SORCS3: variants seen among roughly 807,000 people sequenced by gnomAD.
SORCS3 encodes the protein sortilin related VPS10 domain containing receptor 3, also known as VPS10 domain-containing receptor SorCS3.
In SORCS3, 57 loss-of-function variants were observed where a neutral mutation model predicts 146.3. That is an observed-to-expected ratio of 0.39 (90% CI 0.31 to 0.49). The LOEUF is 0.49. SORCS3 is among the 20% of genes least tolerant of loss of function. SORCS3 has a pLI of 0.92. For missense variants in SORCS3, 1,341 were observed against 1,575.5 expected (o/e 0.85, Z 2.52); for synonymous variants, 653 against 618.5 (o/e 1.06, Z -0.83).
intron 1 of SORCS3, among the ~76,000 whole-genome samples, chr10:104,732,091 G>A (rs902454542): frequency 2.0e-5 from 3 of 152,294 alleles, no homozygotes; most frequent in South Asian, 2.1e-4. Context: ...AGAAATATGC[G>A]TTAGCTCTCG....
At chr10:104,699,991 G>T (rs906716385) in intron 1 of SORCS3, among the ~76,000 whole-genome samples, 14 of 152,210 alleles carry the variant, frequency 9.2e-5, no homozygotes, top group African/African-American at 3.4e-4. Context: ...CCATCCAAGG[G>T]GCTGTTGACA....
At chr10:104,912,186 C>T (rs902662163) in intron 2 of SORCS3, among the ~76,000 whole-genome samples, 3 of 152,204 alleles carry the variant, frequency 2.0e-5, no homozygotes, top group Non-Finnish European at 4.4e-5. Context: ...CTAAAAGTGG[C>T]TTGTGCAGGG....
At chr10:104,728,209 C>T (rs897290476) in intron 1 of SORCS3, among the ~76,000 whole-genome samples, 19 of 152,048 alleles carry the variant, frequency 1.2e-4, no homozygotes, top group African/African-American at 4.1e-4. Flanking sequence ...TTCCATCCCT[C>T]ATTATTTCCT....
intron 1 of SORCS3, among the ~76,000 whole-genome samples, chr10:104,763,908 G>A (rs748076526): frequency 1.4e-4 from 21 of 151,828 alleles, no homozygotes; most frequent in Admixed American, 3.3e-4. Flanking sequence ...CTGCCACCTC[G>A]TGAGGAAGGT....
At chr10:105,183,429 G>C (rs1589677341) in intron 14 of SORCS3, among the ~76,000 whole-genome samples, 2 of 152,188 alleles carry the variant, frequency 1.3e-5, no homozygotes, top group East Asian at 3.9e-4. Context: ...GCCTAGCAGG[G>C]ATCATTCTTT....
At chr10:104,994,925 T>A (rs941438222) in intron 4 of SORCS3, among the ~76,000 whole-genome samples, 3 of 152,188 alleles carry the variant, frequency 2.0e-5, no homozygotes, top group African/African-American at 7.2e-5. Context: ...TATGAACATT[T>A]CTCTTGATTT....
intron 19 of SORCS3, among the ~76,000 whole-genome samples, chr10:105,220,063 C>G: frequency 6.6e-6 from 1 of 152,164 alleles, no homozygotes; most frequent in South Asian, 2.1e-4. Context: ...AATAACCAAT[C>G]TCGCACAGAT....
chr10:104,800,376 A>G (rs2017611230), intron 1 of SORCS3, among the ~76,000 whole-genome samples: 1 of 152,218 alleles, frequency 6.6e-6, no homozygotes, highest in South Asian at 2.1e-4. Flanking sequence ...TAAGGCAGTG[A>G]AACTATTCTG....
chr10:104,972,186 CA>C (rs2054864333), intron 3 of SORCS3, among the ~76,000 whole-genome samples: 1 of 151,850 alleles, frequency 6.6e-6, no homozygotes, highest in South Asian at 2.1e-4. Flanking sequence ...TAAAAAACAA[CA>C]AAAAAAGAAC....
chr10:105,011,568 G>A (rs921101742), intron 4 of SORCS3, among the ~76,000 whole-genome samples: 8 of 151,948 alleles, frequency 5.3e-5, no homozygotes, highest in Non-Finnish European at 5.9e-5. Flanking sequence ...TCTTAATTGC[G>A]TGGCTCCTAT....
intron 1 of SORCS3, among the ~76,000 whole-genome samples, chr10:104,721,580 T>G (rs2016549997): frequency 6.6e-6 from 1 of 152,160 alleles, no homozygotes; most frequent in Non-Finnish European, 1.5e-5. Context: ...TATGGCCATT[T>G]TCACGATATT....
chr10:105,107,675 G>A (rs951281644), intron 7 of SORCS3, among the ~76,000 whole-genome samples: 1 of 152,138 alleles, frequency 6.6e-6, no homozygotes, highest in African/African-American at 2.4e-5. Flanking sequence ...CCTGTTCTAG[G>A]TGCTAGGTGC....
intron 14 of SORCS3, among the ~76,000 whole-genome samples, chr10:105,191,179 G>T (rs559675937): frequency 6.6e-6 from 1 of 152,302 alleles, no homozygotes; most frequent in East Asian, 1.9e-4. Context: ...CTAGCAAAGA[G>T]AATAAGACAC....
chr10:104,666,938 C>T (rs2015785549), intron 1 of SORCS3, among the ~76,000 whole-genome samples: 1 of 151,700 alleles, frequency 6.6e-6, no homozygotes, highest in African/African-American at 2.4e-5. Context: ...AATGGCAGAG[C>T]TGAAAATTAT....
Position 105,201,237 on chromosome 10 carries a change from A to G in SORCS3, c.2245A>G (p.Asn749Asp). Residue 749 changes from asparagine to aspartate, a missense_variant, in exon 16 of 27, where the codon AAT becomes GAT. Asn to Asp is a conservative substitution (Grantham distance 23, BLOSUM62 1). Transcript: ENST00000369701. ...GGTCTCAGAACCCTGTGTCTGTGCC[A>G]ATTGGGACTTCGAGTGGTGAGTTGT... ...SVVSEPCVCA[N>D]WDFECDYGYE... 6.2e-7 allele frequency: 1 copy of G among 1,608,332 alleles called. No individual in the cohort carries two copies. The highest frequency in any genetic ancestry group is 2.2e-5 in the East Asian group (1 of 44,786).
intron 8 of SORCS3, among the ~76,000 whole-genome samples, chr10:105,143,826 C>T (rs766535007): frequency 2.6e-5 from 4 of 152,130 alleles, no homozygotes; most frequent in Admixed American, 6.6e-5. Flanking sequence ...GTAGATTTTA[C>T]CTCCTTACTA....
chr10:104,975,870 G>A (rs1031932765), intron 3 of SORCS3, among the ~76,000 whole-genome samples: 10 of 152,190 alleles, frequency 6.6e-5, no homozygotes, highest in Admixed American at 5.9e-4. Flanking sequence ...GTAGAAAGCT[G>A]AAACTGGATA....
chr10:105,082,129 A>G (rs1000483723), intron 5 of SORCS3, among the ~76,000 whole-genome samples: 2 of 152,224 alleles, frequency 1.3e-5, no homozygotes, highest in Admixed American at 1.3e-4. Flanking sequence ...ATAAGGAGGA[A>G]TAAAGGTAAT....
intron 5 of SORCS3, among the ~76,000 whole-genome samples, chr10:105,076,119 C>T (rs1266534589): frequency 1.3e-5 from 2 of 152,090 alleles, no homozygotes; most frequent in Middle Eastern, 3.2e-3. Context: ...TCATCATTTC[C>T]AAGACCAAAT....
Sources: gnomAD v4.1 joint callset for allele counts (sites outside exome capture counted in the v4.1 genomes callset) on GRCh38, gnomAD v4.1.1 for gene constraint, MANE v1.5 for transcripts, NCBI Gene and HGNC (gene_info 2026-07-23, HGNC 2026-07-21) for gene names.